The following KAT6B variants were observed in gnomAD, a reference collection of about 807,000 sequenced individuals.
KAT6B encodes histone acetyltransferase KAT6B.
In KAT6B, 10 loss-of-function variants were observed where a neutral mutation model predicts 187.5. The observed-to-expected ratio is 0.05, with a 90% CI of 0.03 to 0.09. KAT6B has a LOEUF of 0.09. KAT6B is among the 10% of genes least tolerant of loss of function. KAT6B has a pLI of 1.00. For synonymous variants in KAT6B, 861 were observed against 926.8 expected (o/e 0.93, Z 1.29); for missense variants, 1,952 against 2,558.9 (o/e 0.76, Z 5.12).
At chr10:74,891,861 C>T (rs1324781374) in intron 3 of KAT6B, among the ~76,000 whole-genome samples, 2 of 152,168 alleles carry the variant, frequency 1.3e-5, no homozygotes, top group African/African-American at 2.4e-5. Context: ...TTTAAGGAAG[C>T]AGATAGGGAA....
chr10:75,006,378 C>T lies in KAT6B; in HGVS notation c.2630-14204C>T, dbSNP rs574650115. On this transcript the variant is annotated intron_variant, in intron 13 of 17. Coordinates refer to ENST00000287239, the MANE Select transcript of KAT6B (RefSeq NM_012330.4). ...AAAAATTGCAATTAAAACATTTATC[C>T]TGCCTTTCTTACATAAACTGTACAG... is the stretch of plus-strand genomic sequence containing the variant. Among the ~76,000 whole-genome samples, 44 of 152,292 alleles carry T rather than the reference C, an allele frequency of 2.9e-4. 1 individual carries two copies. The South Asian group carries it at 8.9e-3, about 31-fold the overall frequency.
chr10:74,894,681 T>C (rs1253419809), intron 3 of KAT6B, among the ~76,000 whole-genome samples: 2 of 152,216 alleles, frequency 1.3e-5, no homozygotes, highest in African/African-American at 4.8e-5. Context: ...TGTTTTTTTC[T>C]TACTGGTTTA....
intron 3 of KAT6B, among the ~76,000 whole-genome samples, chr10:74,864,333 C>G (rs1036133476): frequency 6.6e-6 from 1 of 152,058 alleles, no homozygotes; most frequent in South Asian, 2.1e-4. Context: ...CTCCATCTCC[C>G]AGGTTCAGGC....
At position 75,026,628 on chromosome 10, in the gene KAT6B, G is replaced by GT. The variant is rs1004678284; in HGVS notation, c.3664+1391dup. 4.9e-3 allele frequency among the ~76,000 whole-genome samples: 716 copies of GT among 145,232 alleles called. 2 individuals are homozygous for GT. The highest frequency in any genetic ancestry group is 0.014 in the Middle Eastern group (4 of 278). ...AGAGAAACCAAGCCTTATTCTTTGG[G>GT]TTTTTTTTTTTTAAACAAATAACAA... On this transcript the variant is annotated intron_variant, in intron 17 of 17. Coordinates refer to ENST00000287239, the MANE Select transcript of KAT6B (RefSeq NM_012330.4).
intron 3 of KAT6B, among the ~76,000 whole-genome samples, chr10:74,874,816 G>T (rs1473615307): frequency 6.7e-6 from 1 of 149,938 alleles, no homozygotes; most frequent in Non-Finnish European, 1.5e-5. Context: ...TGTGTGTGGG[G>T]TGTGTGTGTG....
At chr10:74,856,451 C>T (rs1404596077) in intron 3 of KAT6B, among the ~76,000 whole-genome samples, 1 of 152,124 alleles carries the variant, frequency 6.6e-6, no homozygotes, top group Non-Finnish European at 1.5e-5. Flanking sequence ...GTCATGTCAC[C>T]TTTAATAGAG....
intron 3 of KAT6B, among the ~76,000 whole-genome samples, chr10:74,945,549 G>C (rs1051739337): frequency 6.6e-6 from 1 of 152,040 alleles, no homozygotes; most frequent in African/African-American, 2.4e-5. Flanking sequence ...TGCAACCTCC[G>C]CCTCCTGGGT....
At chr10:74,961,516 T>TA (rs1841093251) in intron 4 of KAT6B, among the ~76,000 whole-genome samples, 1 of 152,220 alleles carries the variant, frequency 6.6e-6, no homozygotes, top group Non-Finnish European at 1.5e-5. Context: ...GTTCCCTTCA[T>TA]ATATTTCCTT....
chr10:75,007,109 A>G (rs1461876956), intron 13 of KAT6B, among the ~76,000 whole-genome samples: 1 of 152,032 alleles, frequency 6.6e-6, no homozygotes, highest in Non-Finnish European at 1.5e-5. Flanking sequence ...GAATTAAAAT[A>G]TAACCATTTT....
At chr10:74,851,960 C>T (rs1842508514) in intron 3 of KAT6B, among the ~76,000 whole-genome samples, 1 of 152,174 alleles carries the variant, frequency 6.6e-6, no homozygotes, top group Non-Finnish European at 1.5e-5. Context: ...AGCAGACCCT[C>T]CTCATCTGTT....
intron 3 of KAT6B, among the ~76,000 whole-genome samples, chr10:74,852,407 G>C (rs973739890): frequency 6.6e-6 from 1 of 152,190 alleles, no homozygotes; most frequent in Non-Finnish European, 1.5e-5. Flanking sequence ...AATACTTGCT[G>C]TTCCAGGGTC....
intron 3 of KAT6B, among the ~76,000 whole-genome samples, chr10:74,952,367 G>T (rs1840375995): frequency 6.6e-6 from 1 of 151,972 alleles, no homozygotes; most frequent in African/African-American, 2.4e-5. Context: ...AAAAAAAAAG[G>T]TATGGAGATT....
chr10:75,028,998 G>A lies in KAT6B; in HGVS notation c.4174G>A (p.Glu1392Lys). ...TGGTGCTAAAAGCCAAGAAAAAGAG[G>A]AACCAGAAATCTCCACGGAAAAAGA... ...PDGAKSQEKE[E>K]PEISTEKEDS... The change falls in exon 18 of 18, where the codon GAA becomes AAA. Residue 1392 changes from glutamate to lysine, a missense_variant. Coordinates refer to ENST00000287239, the MANE Select transcript of KAT6B (RefSeq NM_012330.4). The A allele has an allele frequency of 6.2e-7, 1 of 1,613,966 alleles. No individual in the cohort carries two copies. Among genetic ancestry groups the A allele is most frequent in the South Asian group, 1.1e-5 (1 of 91,064 alleles).
At chr10:74,864,968 T>G (rs535918230) in intron 3 of KAT6B, among the ~76,000 whole-genome samples, 1 of 152,234 alleles carries the variant, frequency 6.6e-6, no homozygotes, top group Non-Finnish European at 1.5e-5. Context: ...TTTTTTCTTT[T>G]GAAAAGTTTT....
intron 3 of KAT6B, among the ~76,000 whole-genome samples, chr10:74,865,592 T>C (rs1198068959): frequency 6.6e-6 from 1 of 152,002 alleles, no homozygotes; most frequent in African/African-American, 2.4e-5. Flanking sequence ...CTCAGCTTAC[T>C]GTAATCTCCA....
At chr10:74,956,295 C>T (rs1474802441) in intron 3 of KAT6B, among the ~76,000 whole-genome samples, 2 of 152,132 alleles carry the variant, frequency 1.3e-5, no homozygotes, top group Non-Finnish European at 2.9e-5. Context: ...GTGCTCAGTC[C>T]TTTAGGATAG....
intron 13 of KAT6B, among the ~76,000 whole-genome samples, chr10:75,002,637 A>G (rs1239676980): frequency 6.6e-6 from 1 of 151,832 alleles, no homozygotes; most frequent in Non-Finnish European, 1.5e-5. Flanking sequence ...GACAGCAGTT[A>G]CTGTACTGGA....
chr10:74,839,327 T>C (rs1351008300), intron 2 of KAT6B, among the ~76,000 whole-genome samples: 2 of 150,190 alleles, frequency 1.3e-5, no homozygotes, highest in African/African-American at 4.9e-5. Flanking sequence ...GCCTCCTGGG[T>C]TCAAGCGATT....
intron 3 of KAT6B, among the ~76,000 whole-genome samples, chr10:74,851,147 G>T (rs894044044): frequency 6.6e-6 from 1 of 150,656 alleles, no homozygotes; most frequent in Non-Finnish European, 1.5e-5. Context: ...TTGCTCTGTT[G>T]CCCAGGCCGG....
Sources: allele counts gnomAD v4.1 joint callset (sites outside exome capture counted in the v4.1 genomes callset), GRCh38; gene constraint gnomAD v4.1.1; transcripts MANE v1.5; gene names NCBI Gene and HGNC (gene_info 2026-07-23, HGNC 2026-07-21).